Variants in AP3B1 observed in about 807,000 individuals in gnomAD.
AP3B1 encodes adaptor related protein complex 3 subunit beta 1.
A neutral mutation model predicts 132.5 loss-of-function variants in AP3B1; 61 were observed. That is an observed-to-expected ratio of 0.46 (90% CI 0.37 to 0.57). The LOEUF (loss-of-function observed/expected upper bound fraction) is 0.57, where lower values mean the gene tolerates loss of function less well. Ranked by LOEUF, AP3B1 falls within the 20% of genes least tolerant of loss-of-function variation. The pLI, the probability that AP3B1 is intolerant of heterozygous loss-of-function variation, is 0.00. For synonymous variants in AP3B1, 388 were observed against 438.3 expected (o/e 0.89, Z 1.43); for missense variants, 1,120 against 1,289.4 (o/e 0.87, Z 2.01).
chr5:78,259,488 G>A (rs554761086), intron 2 of AP3B1, among the ~76,000 whole-genome samples: 1 of 152,192 alleles, frequency 6.6e-6, no homozygotes, highest in East Asian at 1.9e-4. Flanking sequence ...CAACAATAAT[G>A]TAATTGTACA....
At chr5:78,239,137 A>G (rs1747005215) in intron 3 of AP3B1, among the ~76,000 whole-genome samples, 1 of 152,024 alleles carries the variant, frequency 6.6e-6, no homozygotes. Flanking sequence ...GTACTTTTAA[A>G]AATAAGCAAA....
At chr5:78,185,286 T>C (rs949645489) in intron 7 of AP3B1, among the ~76,000 whole-genome samples, 1 of 152,316 alleles carries the variant, frequency 6.6e-6, no homozygotes, top group Middle Eastern at 3.4e-3. Flanking sequence ...AGAAAGAATA[T>C]GGCAAGGAAA....
intron 2 of AP3B1, among the ~76,000 whole-genome samples, chr5:78,265,286 T>TA (rs1006554453): frequency 6.6e-6 from 1 of 150,970 alleles, no homozygotes; most frequent in East Asian, 2.0e-4. Context: ...AAAATAAAAA[T>TA]AAAAAAATTA....
At chr5:78,151,402 T>C (rs1446907312) in intron 14 of AP3B1, among the ~76,000 whole-genome samples, 2 of 152,220 alleles carry the variant, frequency 1.3e-5, no homozygotes, top group Non-Finnish European at 2.9e-5. Flanking sequence ...TCCAGTACTG[T>C]GTTGAATAAC....
intron 20 of AP3B1, among the ~76,000 whole-genome samples, chr5:78,103,661 A>C (rs771184848): frequency 2.0e-5 from 3 of 152,154 alleles, no homozygotes; most frequent in African/African-American, 4.8e-5. Context: ...TAAGGACAAC[A>C]GTAACTGATC....
At chr5:78,021,392 A>T (rs1001749769) in intron 24 of AP3B1, among the ~76,000 whole-genome samples, 33 of 152,182 alleles carry the variant, frequency 2.2e-4, no homozygotes, top group African/African-American at 7.7e-4. Flanking sequence ...AAATGACAGG[A>T]TATGAAGAAT....
At chr5:78,174,552 A>G (rs1744064543) in intron 11 of AP3B1, among the ~76,000 whole-genome samples, 2 of 152,202 alleles carry the variant, frequency 1.3e-5, no homozygotes, top group Non-Finnish European at 2.9e-5. Context: ...CACAGCAAAT[A>G]CTGTAGAACA....
chr5:78,232,658 C>T (rs1746695582), intron 3 of AP3B1, among the ~76,000 whole-genome samples: 1 of 152,178 alleles, frequency 6.6e-6, no homozygotes, highest in South Asian at 2.1e-4. Flanking sequence ...CTGAAAAGTT[C>T]CAAGACTAGT....
chr5:78,023,806 C>A (rs1001831415), intron 24 of AP3B1, among the ~76,000 whole-genome samples: 1 of 151,960 alleles, frequency 6.6e-6, no homozygotes, highest in Non-Finnish European at 1.5e-5. Context: ...GAAGACTACA[C>A]AATGCAGTGA....
chr5:78,191,799 T>C (rs1333738870), intron 7 of AP3B1, among the ~76,000 whole-genome samples: 2 of 152,204 alleles, frequency 1.3e-5, no homozygotes, highest in South Asian at 2.1e-4. Flanking sequence ...GCTTATGAAG[T>C]ATACTGATAA....
At chr5:78,214,510 C>A (rs1745877382) in intron 7 of AP3B1, among the ~76,000 whole-genome samples, 1 of 151,896 alleles carries the variant, frequency 6.6e-6, no homozygotes, top group African/African-American at 2.4e-5. Context: ...GGATCATTTG[C>A]ATATAGTTAC....
intron 1 of AP3B1, among the ~76,000 whole-genome samples, chr5:78,294,251 T>C (rs1749656276): frequency 2.0e-5 from 3 of 152,090 alleles, no homozygotes; most frequent in Admixed American, 2.0e-4. Context: ...TAGAGACCCC[T>C]ACACACATTC....
At chr5:78,052,822 C>T (rs1033256178) in intron 22 of AP3B1, among the ~76,000 whole-genome samples, 3 of 152,150 alleles carry the variant, frequency 2.0e-5, no homozygotes, top group Admixed American at 6.5e-5. Context: ...TTATATATCA[C>T]GTACGTGGTA....
At chr5:78,275,537 G>A (rs575874497) in intron 1 of AP3B1, among the ~76,000 whole-genome samples, 9 of 151,888 alleles carry the variant, frequency 5.9e-5, no homozygotes, top group Admixed American at 1.3e-4. Context: ...GTGCAGTGGC[G>A]CAATCTCAGC....
At chr5:78,151,704 C>T (rs10454916) in intron 14 of AP3B1, among the ~76,000 whole-genome samples, 150,759 of 152,300 alleles carry the variant, frequency 0.99, 74,621 homozygotes, top group East Asian at 1. Flanking sequence ...GGGATAAATC[C>T]CATTGGTCAT....
At chr5:78,117,312 ATT>A (rs55983344) in intron 17 of AP3B1, among the ~76,000 whole-genome samples, 11 of 140,416 alleles carry the variant, frequency 7.8e-5, no homozygotes, top group Admixed American at 7.1e-5. Context: ...ATTTTGTGCA[ATT>A]TTTTTTTTTT....
At chr5:78,294,069 C>T (rs1025385247) in intron 1 of AP3B1, among the ~76,000 whole-genome samples, 1 of 152,152 alleles carries the variant, frequency 6.6e-6, no homozygotes, top group Admixed American at 6.5e-5. Flanking sequence ...ACTCCTTTCA[C>T]CCTAATCAGG....
intron 1 of AP3B1, among the ~76,000 whole-genome samples, chr5:78,290,490 T>C (rs1404560252): frequency 1.3e-5 from 2 of 152,090 alleles, no homozygotes; most frequent in African/African-American, 2.4e-5. Context: ...GTCTTGTCTG[T>C]TTCTAGAAAT....
intron 14 of AP3B1, among the ~76,000 whole-genome samples, chr5:78,155,610 T>C (rs967240922): frequency 6.6e-6 from 1 of 151,974 alleles, no homozygotes; most frequent in Admixed American, 6.6e-5. Context: ...CTTGAAAACA[T>C]GCTAAGTGAA....
Sources: allele counts gnomAD v4.1 joint callset (sites outside exome capture counted in the v4.1 genomes callset), GRCh38; gene constraint gnomAD v4.1.1; transcripts MANE v1.5; gene names NCBI Gene and HGNC (gene_info 2026-07-23, HGNC 2026-07-21).